OSBPL10: variants seen among roughly 807,000 people sequenced by gnomAD.
OSBPL10 encodes oxysterol-binding protein-related protein 10.
In OSBPL10, 49 loss-of-function variants were observed where a neutral mutation model predicts 81.7. The observed-to-expected ratio is 0.60, with a 90% CI of 0.48 to 0.76. The LOEUF is 0.76. Ranked by LOEUF, OSBPL10 falls within the 30% of genes least tolerant of loss-of-function variation. The probability of loss-of-function intolerance (pLI) is 0.00; values close to 1 mark genes in which losing one functional copy is unlikely to be tolerated. For synonymous variants in OSBPL10, 419 were observed against 383.6 expected (o/e 1.09, Z -1.08); for missense variants, 923 against 987.8 (o/e 0.93, Z 0.88).
At chr3:31,727,110 G>C (rs1696832695) in intron 6 of OSBPL10, among the ~76,000 whole-genome samples, 1 of 152,056 alleles carries the variant, frequency 6.6e-6, no homozygotes, top group South Asian at 2.1e-4. Context: ...TGGGACTACA[G>C]GTATAAGCCA....
At chr3:31,864,208 G>T (rs1701120700) in intron 3 of OSBPL10, among the ~76,000 whole-genome samples, 1 of 152,156 alleles carries the variant, frequency 6.6e-6, no homozygotes, top group African/African-American at 2.4e-5. Context: ...GGTCAGGAAG[G>T]CATCACAGAA....
At chr3:31,747,658 A>G (rs1158871108) in intron 5 of OSBPL10, among the ~76,000 whole-genome samples, 4 of 152,224 alleles carry the variant, frequency 2.6e-5, no homozygotes, top group Non-Finnish European at 5.9e-5. Flanking sequence ...AAATAAAAAT[A>G]TATCCCAAAC....
At chr3:31,995,634 A>T (rs1699083888) in intron 2 of OSBPL10, among the ~76,000 whole-genome samples, 1 of 152,338 alleles carries the variant, frequency 6.6e-6, no homozygotes, top group South Asian at 2.1e-4. Context: ...GGTGATGTAC[A>T]TCCTCAGCTT....
At chr3:31,672,430 G>A (rs1174151031) in intron 8 of OSBPL10, among the ~76,000 whole-genome samples, 1 of 137,648 alleles carries the variant, frequency 7.3e-6, no homozygotes, top group Non-Finnish European at 1.6e-5. Flanking sequence ...GATAGGGAGA[G>A]AGAGAAGGAA....
chr3:32,010,301 A>T (rs1184153018), intron 2 of OSBPL10, among the ~76,000 whole-genome samples: 2 of 152,196 alleles, frequency 1.3e-5, no homozygotes, highest in Non-Finnish European at 2.9e-5. Context: ...AGCCTCTAGA[A>T]CTATGAGAAA....
chr3:31,781,539 G>A (rs1430945991), intron 4 of OSBPL10, among the ~76,000 whole-genome samples: 1 of 151,986 alleles, frequency 6.6e-6, no homozygotes, highest in East Asian at 1.9e-4. Flanking sequence ...GTTTGCTGAT[G>A]TATACCTAGG....
intron 4 of OSBPL10, among the ~76,000 whole-genome samples, chr3:31,809,869 CTTTTT>C (rs34795137): frequency 2.0e-5 from 2 of 98,646 alleles, no homozygotes; most frequent in African/African-American, 1.1e-4. Flanking sequence ...CCCCCTGACT[CTTTTT>C]TTTTTTTTTT....
At chr3:31,736,206 A>G (rs1428602278) in intron 5 of OSBPL10, among the ~76,000 whole-genome samples, 1 of 152,166 alleles carries the variant, frequency 6.6e-6, no homozygotes, top group African/African-American at 2.4e-5. Context: ...TTATACAACA[A>G]TGTGAATGCA....
rs145834049 is a variant in OSBPL10 at position 31,893,300 on chromosome 3, TAATA to T, written c.282-13474_282-13471del. Reference sequence around the variant, plus strand: ...TCACCAAAGAAGATACATGAATGGTTAATAAATACATGAAAAGATGCACATGATT... The same window carrying T: ...TCACCAAAGAAGATACATGAATGGTTAATACATGAAAAGATGCACATGATT... On this transcript the variant is annotated intron_variant, in intron 1 of 11. Coordinates refer to ENST00000396556, the MANE Select transcript of OSBPL10 (RefSeq NM_017784.5). 6.3e-3 allele frequency among the ~76,000 whole-genome samples: 955 copies of T among 152,294 alleles called. 7 individuals carry two copies. Among genetic ancestry groups the T allele is most frequent in the African/African-American group, 0.022 (915 of 41,554 alleles).
At chr3:31,706,974 G>C (rs1696089316) in intron 6 of OSBPL10, among the ~76,000 whole-genome samples, 1 of 141,310 alleles carries the variant, frequency 7.1e-6, no homozygotes, top group African/African-American at 2.5e-5. Context: ...CTGCTTTAGT[G>C]AACTGCCTTC....
intron 8 of OSBPL10, among the ~76,000 whole-genome samples, chr3:31,673,390 G>A (rs1170382618): frequency 2.0e-5 from 3 of 152,158 alleles, no homozygotes; most frequent in African/African-American, 4.8e-5. Context: ...ATCAATACTT[G>A]GTTCTTCTTG....
At chr3:31,880,126 A>G (rs1695518985) in intron 1 of OSBPL10, among the ~76,000 whole-genome samples, 1 of 152,232 alleles carries the variant, frequency 6.6e-6, no homozygotes, top group East Asian at 1.9e-4. Flanking sequence ...ATTAAACCTC[A>G]GAATGACAGA....
At chr3:31,751,352 A>T (rs1370607133) in intron 4 of OSBPL10, among the ~76,000 whole-genome samples, 1 of 151,220 alleles carries the variant, frequency 6.6e-6, no homozygotes, top group Non-Finnish European at 1.5e-5. Flanking sequence ...GTCTCAAAAT[A>T]AATAAATAAA....
rs978154938 is a variant in OSBPL10 at position 31,733,688 on chromosome 3, T to G, written c.941-277A>C. Among the ~76,000 whole-genome samples the G allele has an allele frequency of 6.8e-4, 29 of 42,490 alleles. No homozygotes were observed. The East Asian group carries it at 0.033, about 48-fold the overall frequency. 27.9% of individuals were successfully genotyped at this position (42,490 alleles called of 152,430 possible). A position where few individuals can be genotyped will look rare whatever the true frequency, so the allele number is the denominator to read the frequency against. Reference sequence around the variant, plus strand: ...TTTACCAAAGCCAGATAAAGGTGTTTTTTTTTTTTTTTTTTTTTTTTTTGA... The same window carrying G: ...TTTACCAAAGCCAGATAAAGGTGTTGTTTTTTTTTTTTTTTTTTTTTTTGA... On this transcript the variant is annotated intron_variant, in intron 5 of 11. Transcript: ENST00000396556.
intron 8 of OSBPL10, among the ~76,000 whole-genome samples, chr3:31,675,761 T>C (rs887656366): frequency 4.7e-5 from 5 of 107,208 alleles, no homozygotes; most frequent in Non-Finnish European, 6.8e-5. Context: ...CTGGCTAACA[T>C]GGTAAAACCC....
chr3:31,963,051 T>C (rs149498872), intron 1 of OSBPL10, among the ~76,000 whole-genome samples: 1 of 152,228 alleles, frequency 6.6e-6, no homozygotes, highest in Non-Finnish European at 1.5e-5. Flanking sequence ...TTTTTAAATG[T>C]GTACTTTGAA....
intron 4 of OSBPL10, 149 bp from the exon 5 acceptor site, chr3:31,748,269 A>C: frequency 1.4e-6 from 1 of 724,494 alleles, no homozygotes; most frequent in Non-Finnish European, 2.3e-6. Context: ...TAAATACTCA[A>C]TCCTGGGTGA....
intron 5 of OSBPL10, among the ~76,000 whole-genome samples, chr3:31,739,813 C>T (rs543565366): frequency 1.3e-5 from 2 of 152,234 alleles, no homozygotes; most frequent in Non-Finnish European, 2.9e-5. Flanking sequence ...GCAGCCCATG[C>T]TAAGACACTG....
At chr3:32,019,937 G>T (rs985429548) in intron 2 of OSBPL10, among the ~76,000 whole-genome samples, 5 of 152,160 alleles carry the variant, frequency 3.3e-5, no homozygotes, top group Non-Finnish European at 5.9e-5. Flanking sequence ...CTGATGGGTG[G>T]TTCTAGATAT....
Sources: allele counts gnomAD v4.1 joint callset (sites outside exome capture counted in the v4.1 genomes callset), GRCh38; gene constraint gnomAD v4.1.1; transcripts MANE v1.5; gene names NCBI Gene and HGNC (gene_info 2026-07-23, HGNC 2026-07-21).